TBC1D5: variants seen among roughly 807,000 people sequenced by gnomAD.
TBC1D5 encodes the protein TBC1 domain family, member 5.
Under a neutral mutation model 100.3 loss-of-function variants are expected in TBC1D5, and 75 were observed. The observed-to-expected ratio is 0.75, with a 90% confidence interval of 0.62 to 0.91. The LOEUF (loss-of-function observed/expected upper bound fraction) is 0.91. Among genes scored for constraint, TBC1D5 ranks in the 40% least tolerant of loss-of-function variants. TBC1D5 has a pLI of 0.00. For missense variants in TBC1D5, 910 were observed against 942.4 expected (o/e 0.97, Z 0.45); for synonymous variants, 323 against 325.6 (o/e 0.99, Z 0.09).
chr3:17,712,600 T>C (rs1436914598), intron 1 of TBC1D5, among the ~76,000 whole-genome samples: 1 of 152,224 alleles, frequency 6.6e-6, no homozygotes, highest in Non-Finnish European at 1.5e-5. Context: ...GTCCTACTCA[T>C]GGTCCTAACA....
intron 2 of TBC1D5, among the ~76,000 whole-genome samples, chr3:17,510,099 A>AAAT (rs145176246): frequency 0.069 from 10,458 of 151,998 alleles, 699 homozygotes; most frequent in African/African-American, 0.18. Context: ...GAAAAAGAGG[A>AAAT]AATAAGAGAA....
chr3:17,346,920 T>C (rs1192626989), intron 13 of TBC1D5, among the ~76,000 whole-genome samples: 1 of 152,242 alleles, frequency 6.6e-6, no homozygotes. Flanking sequence ...TGTTCACTAT[T>C]AGTATAAGCT....
exon 19 of TBC1D5, chr3:17,185,135 C>G: frequency 1.9e-6 from 3 of 1,613,004 alleles, no homozygotes; most frequent in Non-Finnish European, 2.5e-6. Flanking sequence ...CACCTTTGCA[C>G]AGTATTTGCA....
intron 14 of TBC1D5, among the ~76,000 whole-genome samples, chr3:17,292,760 C>T (rs1042817405): frequency 6.6e-6 from 1 of 152,136 alleles, no homozygotes; most frequent in African/African-American, 2.4e-5. Context: ...ACAATGCTTG[C>T]TTTATGAACC....
chr3:17,256,671 T>A (rs2077721835), intron 16 of TBC1D5, among the ~76,000 whole-genome samples: 1 of 152,154 alleles, frequency 6.6e-6, no homozygotes, highest in Non-Finnish European at 1.5e-5. Context: ...CAGTCATCAT[T>A]GTCCTAGGTG....
At chr3:17,430,182 C>T (rs1159443350) in intron 3 of TBC1D5, among the ~76,000 whole-genome samples, 1 of 151,602 alleles carries the variant, frequency 6.6e-6, no homozygotes, top group African/African-American at 2.4e-5. Flanking sequence ...TTTCCTACAA[C>T]ACATGTTATT....
At chr3:17,661,806 C>T (rs2066683764) in intron 1 of TBC1D5, among the ~76,000 whole-genome samples, 2 of 152,234 alleles carry the variant, frequency 1.3e-5, no homozygotes, top group South Asian at 4.2e-4. Flanking sequence ...CCAGCATCTT[C>T]TTAAAAGTGT....
chr3:17,564,971 T>G (rs2096584661), intron 2 of TBC1D5, among the ~76,000 whole-genome samples: 1 of 151,582 alleles, frequency 6.6e-6, no homozygotes, highest in African/African-American at 2.4e-5. Flanking sequence ...AAATGAAAGT[T>G]GAGAACTCTA....
intron 14 of TBC1D5, among the ~76,000 whole-genome samples, chr3:17,302,968 A>G (rs1364963473): frequency 6.6e-6 from 1 of 152,228 alleles, no homozygotes; most frequent in Non-Finnish European, 1.5e-5. Flanking sequence ...ACTTGACACC[A>G]GTGATTTATT....
chr3:17,708,199 T>G (rs1306125985), intron 1 of TBC1D5, among the ~76,000 whole-genome samples: 1 of 152,212 alleles, frequency 6.6e-6, no homozygotes, highest in African/African-American at 2.4e-5. Flanking sequence ...GTTTCATATA[T>G]TTTTTCAGTT....
At chr3:17,230,682 T>C (rs2075336869) in intron 17 of TBC1D5, among the ~76,000 whole-genome samples, 1 of 152,126 alleles carries the variant, frequency 6.6e-6, no homozygotes, top group African/African-American at 2.4e-5. Context: ...CAAATGTATA[T>C]ATACAAGTAT....
chr3:17,269,320 T>C (rs748273928), intron 15 of TBC1D5, among the ~76,000 whole-genome samples: 1 of 152,166 alleles, frequency 6.6e-6, no homozygotes, highest in African/African-American at 2.4e-5. Flanking sequence ...GAGCCTACTC[T>C]TTCTGTGCTA....
At chr3:17,384,148 C>T (rs908455277) in intron 8 of TBC1D5, 133 bp from the exon 9 acceptor site, 10 of 648,846 alleles carry the variant, frequency 1.5e-5, no homozygotes, top group African/African-American at 3.6e-5. Flanking sequence ...GTAACTTATG[C>T]CTTTAGTGGG....
intron 3 of TBC1D5, among the ~76,000 whole-genome samples, chr3:17,504,297 AG>A (rs61177295): frequency 0.3 from 6,262 of 20,622 alleles, 335 homozygotes; most frequent in African/African-American, 0.44. Flanking sequence ...GGGAGGGGGG[AG>A]GGGGGAGAGA....
intron 2 of TBC1D5, among the ~76,000 whole-genome samples, chr3:17,533,985 C>A (rs2096259408): frequency 1.3e-5 from 2 of 152,010 alleles, no homozygotes; most frequent in South Asian, 4.1e-4. Flanking sequence ...CCTATATAAC[C>A]AAGTCCAGCA....
chr3:17,549,711 A>T (rs2096455549), intron 2 of TBC1D5, among the ~76,000 whole-genome samples: 1 of 152,148 alleles, frequency 6.6e-6, no homozygotes, highest in African/African-American at 2.4e-5. Flanking sequence ...CTGTTGGATC[A>T]CTTGAGGTCA....
chr3:17,626,647 G>C (rs546089774), intron 1 of TBC1D5, among the ~76,000 whole-genome samples: 1 of 152,188 alleles, frequency 6.6e-6, no homozygotes, highest in South Asian at 2.1e-4. Context: ...TTCACAGAGG[G>C]GGCAAGACAA....
At chr3:17,692,787 T>G (rs933790786) in intron 1 of TBC1D5, among the ~76,000 whole-genome samples, 7 of 152,208 alleles carry the variant, frequency 4.6e-5, no homozygotes, top group Non-Finnish European at 1.0e-4. Flanking sequence ...GATCACAGGT[T>G]GAGTACCAAT....
intron 3 of TBC1D5, among the ~76,000 whole-genome samples, chr3:17,496,211 G>A (rs756777479): frequency 4.6e-5 from 7 of 152,160 alleles, no homozygotes; most frequent in Non-Finnish European, 1.0e-4. Flanking sequence ...TAAAGCAAAT[G>A]TAATTGTGAG....
Sources: gnomAD v4.1 joint callset for allele counts (sites outside exome capture counted in the v4.1 genomes callset) on GRCh38, gnomAD v4.1.1 for gene constraint, MANE v1.5 for transcripts, NCBI Gene and HGNC (gene_info 2026-07-23, HGNC 2026-07-21) for gene names.